CLVS1: variants seen among roughly 807,000 people sequenced by gnomAD.
CLVS1 encodes the protein clavesin-1.
In CLVS1, 10 loss-of-function variants were observed where a neutral mutation model predicts 33.1. The ratio of observed to expected loss-of-function variants is 0.30; its 90% CI spans 0.19 to 0.51. CLVS1 has a LOEUF of 0.51. CLVS1 is among the 20% of genes least tolerant of loss of function. CLVS1 has a pLI of 0.97. For synonymous variants in CLVS1, 163 were observed against 166.1 expected (o/e 0.98, Z 0.14); for missense variants, 343 against 433.4 (o/e 0.79, Z 1.85).
intron 1 of CLVS1, among the ~76,000 whole-genome samples, chr8:61,102,863 A>G (rs62524512): frequency 0.18 from 27,379 of 152,160 alleles, 2,624 homozygotes; most frequent in Admixed American, 0.3. Flanking sequence ...AGGAGAAGGA[A>G]AAGGATAGAG....
intron 2 of CLVS1, among the ~76,000 whole-genome samples, chr8:61,178,683 G>T (rs1275887609): frequency 6.6e-6 from 1 of 151,702 alleles, no homozygotes; most frequent in Non-Finnish European, 1.5e-5. Flanking sequence ...AGAGAGTGAG[G>T]GCCAATATTC....
At chr8:61,204,465 G>T (rs1807799423) in intron 2 of CLVS1, among the ~76,000 whole-genome samples, 1 of 152,162 alleles carries the variant, frequency 6.6e-6, no homozygotes, top group African/African-American at 2.4e-5. Context: ...AATGCAAATT[G>T]CTCACACTAT....
intron 1 of CLVS1, among the ~76,000 whole-genome samples, chr8:61,122,500 C>CT (rs1805891409): frequency 6.6e-6 from 1 of 151,044 alleles, no homozygotes; most frequent in Non-Finnish European, 1.5e-5. Flanking sequence ...TTTGGCTCAC[C>CT]TTACTTTATG....
At chr8:61,162,791 T>C (rs1210026377) in intron 2 of CLVS1, among the ~76,000 whole-genome samples, 1 of 152,144 alleles carries the variant, frequency 6.6e-6, no homozygotes, top group Non-Finnish European at 1.5e-5. Flanking sequence ...TATAAACCTG[T>C]TGTTTGAGCT....
chr8:61,096,940 T>C (rs936686196), intron 1 of CLVS1, among the ~76,000 whole-genome samples: 2 of 152,172 alleles, frequency 1.3e-5, no homozygotes, highest in Admixed American at 1.3e-4. Context: ...TCAGCATCTG[T>C]AGCAGAAATG....
intron 3 of CLVS1, among the ~76,000 whole-genome samples, chr8:61,444,779 C>G (rs1009654200): frequency 6.6e-6 from 1 of 152,154 alleles, no homozygotes; most frequent in African/African-American, 2.4e-5. Flanking sequence ...GAAGTCTCAG[C>G]AAGTTTAGGA....
chr8:61,102,563 C>T (rs77973662), intron 1 of CLVS1, among the ~76,000 whole-genome samples: 3 of 152,156 alleles, frequency 2.0e-5, no homozygotes, highest in African/African-American at 7.2e-5. Flanking sequence ...TTGACTTCCT[C>T]ATTTTCAATC....
chr8:61,122,611 C>CACA (rs3222428), intron 1 of CLVS1, among the ~76,000 whole-genome samples: 13 of 141,778 alleles, frequency 9.2e-5, no homozygotes, highest in African/African-American at 3.0e-4. Context: ...CACACACACA[C>CACA]AAGAAAACAG....
At chr8:61,391,424 A>G (rs934632245) in intron 3 of CLVS1, among the ~76,000 whole-genome samples, 6 of 152,234 alleles carry the variant, frequency 3.9e-5, no homozygotes, top group Non-Finnish European at 8.8e-5. Flanking sequence ...AGGAAAAATG[A>G]GGTGGGTAAG....
chr8:61,477,284 GC>G (rs779199819), intron 5 of CLVS1, among the ~76,000 whole-genome samples: 6 of 152,218 alleles, frequency 3.9e-5, no homozygotes, highest in Admixed American at 6.5e-5. Context: ...TCTCTGCCAG[GC>G]TTTGGTATCA....
chr8:61,236,277 TATGAGACCGATATTTA>T (rs1364967948), intron 2 of CLVS1, among the ~76,000 whole-genome samples: 1 of 152,024 alleles, frequency 6.6e-6, no homozygotes, highest in Non-Finnish European at 1.5e-5. Context: ...CCACAAAGGG[TATGAGACCGATATTTA>T]CACAGTGGCT....
rs557281429 is a variant in CLVS1, at chr8:61,382,787, CT to C, written c.630+6011del. 1.8e-4 allele frequency among the ~76,000 whole-genome samples: 28 copies of C among 152,274 alleles called. No homozygotes were observed. The South Asian group carries it at 5.8e-3, about 32-fold the overall frequency. On this transcript the variant is annotated intron_variant, in intron 3 of 5. Transcript: ENST00000325897. The stretch of plus-strand genomic sequence containing the variant: ...GCTGCTGCTGCTGGTACAAACCACA[CT>C]TTGGTGTGGGTGAGAGTAGAGCCCA...
At position 61,485,217 on chromosome 8, in the gene CLVS1, G is replaced by A. The variant is rs577209685; in HGVS notation, c.978-14238G>A. On this transcript the variant is annotated intron_variant, in intron 5 of 5. Coordinates refer to ENST00000325897, the MANE Select transcript of CLVS1 (RefSeq NM_173519.3). ...TCATCTGACAAAAGGCTAATATCCA[G>A]AATCTACAATGAACTCAAACAAATT... Among the ~76,000 whole-genome samples, 9 of 152,158 alleles carry A rather than the reference G, an allele frequency of 5.9e-5. No individual in the cohort carries two copies. In the South Asian group the frequency reaches 1.9e-3, roughly 32 times the overall value.
intron 5 of CLVS1, among the ~76,000 whole-genome samples, chr8:61,464,106 A>T (rs79938422): frequency 1.7e-4 from 24 of 141,016 alleles, no homozygotes; most frequent in South Asian, 2.3e-4. Flanking sequence ...AAAAAAAAAA[A>T]TTTGAAATAT....
At chr8:61,184,461 TC>T (rs1346693695) in intron 2 of CLVS1, among the ~76,000 whole-genome samples, 1 of 152,176 alleles carries the variant, frequency 6.6e-6, no homozygotes, top group Non-Finnish European at 1.5e-5. Flanking sequence ...CAGTAGATCC[TC>T]TGAAATGGCA....
chr8:61,378,443 C>G (rs2129601603), intron 3 of CLVS1: 1 of 152,310 alleles, frequency 6.6e-6, no homozygotes, highest in South Asian at 2.1e-4. Context: ...TAAATCAAAG[C>G]TATTCTTGTG....
At chr8:61,146,076 A>T (rs533793946) in intron 2 of CLVS1, among the ~76,000 whole-genome samples, 2 of 152,302 alleles carry the variant, frequency 1.3e-5, no homozygotes, top group East Asian at 3.9e-4. Flanking sequence ...GAGTGGCAGC[A>T]GTGCCCTCTT....
At chr8:61,125,526 T>A (rs1805953404) in intron 1 of CLVS1, among the ~76,000 whole-genome samples, 3 of 152,238 alleles carry the variant, frequency 2.0e-5, no homozygotes, top group Non-Finnish European at 4.4e-5. Context: ...AAAAAGACAT[T>A]GGTGATTCCC....
chr8:61,097,736 A>G (rs539305617), intron 1 of CLVS1, among the ~76,000 whole-genome samples: 4 of 152,152 alleles, frequency 2.6e-5, no homozygotes, highest in African/African-American at 9.6e-5. Flanking sequence ...GCTATTATCT[A>G]TGTTGGTGTA....
Sources: allele counts gnomAD v4.1 joint callset (sites outside exome capture counted in the v4.1 genomes callset), GRCh38; gene constraint gnomAD v4.1.1; transcripts MANE v1.5; gene names NCBI Gene and HGNC (gene_info 2026-07-23, HGNC 2026-07-21).